Variants in PRICKLE1 observed in about 807,000 individuals in gnomAD.
PRICKLE1 encodes the protein prickle planar cell polarity protein 1, also known as prickle-like protein 1.
A neutral mutation model predicts 70.2 loss-of-function variants in PRICKLE1; 14 were observed. That is an observed-to-expected ratio of 0.20 (90% CI 0.13 to 0.31). The LOEUF is 0.31. Ranked by LOEUF, PRICKLE1 falls within the 10% of genes least tolerant of loss-of-function variation. The probability of loss-of-function intolerance (pLI) is 1.00; values close to 1 mark genes in which losing one functional copy is unlikely to be tolerated. For synonymous variants in PRICKLE1, 357 were observed against 379.9 expected (o/e 0.94, Z 0.70); for missense variants, 821 against 1,026.2 (o/e 0.80, Z 2.73).
intron 1 of PRICKLE1, among the ~76,000 whole-genome samples, chr12:42,473,435 G>T (rs535599155): frequency 3.3e-5 from 5 of 152,290 alleles, no homozygotes; most frequent in African/African-American, 1.2e-4. Context: ...TGGATGAAGG[G>T]CTATAAAAGT....
intron 1 of PRICKLE1, among the ~76,000 whole-genome samples, chr12:42,588,102 A>T (rs1941012604): frequency 6.6e-6 from 1 of 152,218 alleles, no homozygotes; most frequent in African/African-American, 2.4e-5. Flanking sequence ...GCAAAGGCTT[A>T]GTGGGAAAGG....
chr12:42,460,336 G>C lies in PRICKLE1; in HGVS notation c.1969C>G (p.Arg657Gly), dbSNP rs751217827. ...IRQPPMSERTRRRVYNFEERG... is the reference protein window; with the variant it reads ...IRQPPMSERTGRRVYNFEERG... The stretch of plus-strand genomic sequence containing the variant: ...TCTTCAAAATTGTAGACGCGTCTCC[G>C]AGTCCTTTCACTCATCGGAGGCTGC... Residue 657 changes from arginine to glycine, a missense_variant, in exon 8 of 8, where the codon CGG becomes GGG. Transcript: ENST00000345127. The C allele has an allele frequency of 1.9e-6, 3 of 1,614,078 alleles. No individual in the cohort carries two copies. In the Admixed American group the frequency reaches 5.0e-5, roughly 27 times the overall value.
chr12:42,557,664 C>T (rs1940434096), intron 1 of PRICKLE1, among the ~76,000 whole-genome samples: 1 of 152,222 alleles, frequency 6.6e-6, no homozygotes, highest in Admixed American at 6.5e-5. Context: ...TGTTATCCAT[C>T]ATGCACAATG....
chr12:42,501,696 C>T (rs1939315148), intron 1 of PRICKLE1, among the ~76,000 whole-genome samples: 1 of 151,896 alleles, frequency 6.6e-6, no homozygotes, highest in African/African-American at 2.4e-5. Context: ...AAATTAAAAT[C>T]TACTACAGAA....
chr12:42,522,258 G>C (rs866434933), intron 1 of PRICKLE1, among the ~76,000 whole-genome samples: 10 of 152,158 alleles, frequency 6.6e-5, no homozygotes, highest in South Asian at 4.2e-4. Flanking sequence ...TTACAGGTGT[G>C]AGCTACCATA....
At chr12:42,524,806 A>G (rs1196417559) in intron 1 of PRICKLE1, 1 of 152,238 alleles carries the variant, frequency 6.6e-6, no homozygotes, top group Non-Finnish European at 1.5e-5. Flanking sequence ...AGTGAGGCAT[A>G]GTGGTTAAGG....
At chr12:42,472,619 T>C in intron 1 of PRICKLE1, 55 bp from the exon 2 acceptor site, 4 of 1,442,404 alleles carry the variant, frequency 2.8e-6, no homozygotes, top group African/African-American at 1.4e-5. Flanking sequence ...GCATTTCTCT[T>C]ACCCCCGACC....
chr12:42,553,092 G>T (rs991548108), intron 1 of PRICKLE1, among the ~76,000 whole-genome samples: 1 of 152,134 alleles, frequency 6.6e-6, no homozygotes, highest in African/African-American at 2.4e-5. Context: ...GCCTGGGGGT[G>T]GGGACCCCTG....
intron 7 of PRICKLE1, among the ~76,000 whole-genome samples, chr12:42,462,719 C>T (rs1160728113): frequency 2.6e-5 from 4 of 152,182 alleles, no homozygotes; most frequent in Non-Finnish European, 5.9e-5. Flanking sequence ...GAAGCAGCTA[C>T]TAAGCCTTTC....
intron 7 of PRICKLE1, among the ~76,000 whole-genome samples, chr12:42,461,417 G>A (rs1669934): frequency 0.99 from 150,954 of 152,356 alleles, 74,806 homozygotes; most frequent in Middle Eastern, 1. Flanking sequence ...TTATACTGAG[G>A]CTAGTGGTCA....
intron 6 of PRICKLE1, 113 bp from the exon 7 acceptor site, chr12:42,465,371 G>T (rs989247832): frequency 1.0e-6 from 1 of 952,878 alleles, no homozygotes. Flanking sequence ...GAGCTGTGTG[G>T]GTGACACAGA....
intron 1 of PRICKLE1, among the ~76,000 whole-genome samples, chr12:42,545,857 A>T (rs1157896274): frequency 7.9e-5 from 9 of 113,264 alleles, no homozygotes; most frequent in Non-Finnish European, 1.7e-4. Context: ...CTCAAAAAAG[A>T]AAAAAAAAAA....
intron 1 of PRICKLE1, among the ~76,000 whole-genome samples, chr12:42,532,682 G>A (rs1266969891): frequency 6.6e-6 from 1 of 152,112 alleles, no homozygotes; most frequent in Non-Finnish European, 1.5e-5. Context: ...CGGATCACGA[G>A]GTCAGGAGAT....
In PRICKLE1 at chr12:42,458,246, T is replaced by A. The variant is rs1415056705; in HGVS notation, c.*1563A>T. On this transcript the variant is annotated 3_prime_UTR_variant, in exon 8 of 8. Transcript: ENST00000345127. ...GGGGCGTGTGGACACACGAGACAAA[T>A]GGAGGTCTGTTAATGGTAGGGCAAC... The A allele has an allele frequency of 6.6e-6, 1 of 152,170 alleles. No homozygotes were observed. The highest frequency in any genetic ancestry group is 2.4e-5 in the African/African-American group (1 of 41,426). The allele number at this position is 152,170 out of a possible 1,614,324, so 9.4% of individuals were successfully genotyped here. A position where few individuals can be genotyped will look rare whatever the true frequency, so the allele number is the denominator to read the frequency against.
chr12:42,571,901 C>G (rs1940721855), intron 1 of PRICKLE1, among the ~76,000 whole-genome samples: 1 of 152,164 alleles, frequency 6.6e-6, no homozygotes, highest in African/African-American at 2.4e-5. Flanking sequence ...TTTTACCCAT[C>G]AGCCCCTTTC....
At chr12:42,560,815 C>T (rs1389377898) in intron 1 of PRICKLE1, among the ~76,000 whole-genome samples, 1 of 122,522 alleles carries the variant, frequency 8.2e-6, no homozygotes, top group Non-Finnish European at 1.9e-5. Context: ...CACACACACA[C>T]ACAAAACAAA....
At chr12:42,494,069 A>G (rs773132239) in intron 1 of PRICKLE1, among the ~76,000 whole-genome samples, 4 of 152,106 alleles carry the variant, frequency 2.6e-5, no homozygotes, top group African/African-American at 4.8e-5. Flanking sequence ...CACAATGTCT[A>G]AAAAAACAAT....
rs1937976185 is a variant in PRICKLE1 at position 42,464,136 on chromosome 12, C to T, written c.1639+259G>A. On this transcript the variant is annotated intron_variant, in intron 7 of 7. Transcript: ENST00000345127. The surrounding 1 kb of genome is among the most constrained non-coding windows in gnomAD (Gnocchi z 4.2). ...CTCTGCCTCCTGGGTTCAAGCAATT[C>T]TCTTGCCTCAGCCTCCCGAGTAGCT... Among the ~76,000 whole-genome samples the T allele has an allele frequency of 6.6e-6, 1 of 151,972 alleles. No homozygotes were observed. The highest frequency in any genetic ancestry group is 2.4e-5 in the African/African-American group (1 of 41,362).
At chr12:42,497,320 C>A (rs180952661) in intron 1 of PRICKLE1, among the ~76,000 whole-genome samples, 39 of 151,988 alleles carry the variant, frequency 2.6e-4, no homozygotes, top group Admixed American at 2.0e-3. Flanking sequence ...CCAGGGCGGG[C>A]GGATCACGAG....
Sources: gnomAD v4.1 joint callset for allele counts (sites outside exome capture counted in the v4.1 genomes callset) on GRCh38, gnomAD v4.1.1 for gene constraint, Gnocchi (gnomAD v3.1) non-coding constraint, MANE v1.5 for transcripts, NCBI Gene and HGNC (gene_info 2026-07-23, HGNC 2026-07-21) for gene names.